MATK: variants seen among roughly 807,000 people sequenced by gnomAD.
MATK encodes megakaryocyte-associated tyrosine-protein kinase.
Under a neutral mutation model 59.8 loss-of-function variants are expected in MATK, and 41 were observed. The ratio of observed to expected loss-of-function variants is 0.69; its 90% CI spans 0.53 to 0.89. The LOEUF is 0.89. Ranked by LOEUF, MATK falls within the 40% of genes least tolerant of loss-of-function variation. The pLI is 0.00. For missense variants in MATK, 593 were observed against 719.6 expected (o/e 0.82, Z 2.01); for synonymous variants, 308 against 306.1 (o/e 1.01, Z -0.06).
chr19:3,778,075 C>T lies in MATK; in HGVS notation c.*108G>A. 1 of 1,449,902 alleles carries T rather than the reference C, an allele frequency of 6.9e-7. No homozygotes were observed. Among genetic ancestry groups the T allele is most frequent in the Non-Finnish European group, 9.0e-7 (1 of 1,106,622 alleles). 89.8% of individuals were successfully genotyped at this position (1,449,902 alleles called of 1,614,324 possible). A position where few individuals can be genotyped will look rare whatever the true frequency, so the allele number is the denominator to read the frequency against. ...GTGGGCCAGCCCCTGCTGTGGGCAC[C>T]AGGAGGATGACTTGCCCGCCTGGAC... On this transcript the variant is annotated 3_prime_UTR_variant, in exon 14 of 14. Coordinates refer to ENST00000310132, the MANE Select transcript of MATK (RefSeq NM_139355.3).
chr19:3,781,647 A>G lies in MATK; in HGVS notation c.702T>C (p.His234=). The change falls in exon 8 of 14, where the codon CAT becomes CAC. Residue 234 remains histidine, a synonymous_variant. Transcript: ENST00000310132. ...CTCCGATCTGTGCTCCCAATGTCAA[A>G]TGCTGCAGGTTCAGTAACCAGCCCG... The part of the protein sequence containing the change: ...ARAGWLLNLQ[H]LTLGAQIGEG... The G allele has an allele frequency of 6.2e-7, 1 of 1,613,782 alleles. No individual in the cohort carries two copies. Among genetic ancestry groups the G allele is most frequent in the East Asian group, 2.2e-5 (1 of 44,882 alleles).
intron 1 of MATK, among the ~76,000 whole-genome samples, chr19:3,792,104 CT>C (rs1230761709): frequency 5.6e-5 from 2 of 35,890 alleles, no homozygotes; most frequent in Non-Finnish European, 1.3e-4. Flanking sequence ...GAGACTCCAT[CT>C]TAAAAAAAAA....
At position 3,783,876 on chromosome 19, in the gene MATK, G is replaced by A. The variant is rs141544705; in HGVS notation, c.520C>T (p.Arg174Cys). Residue 174 changes from arginine to cysteine, a missense_variant, in exon 6 of 14, where the codon CGC becomes TGC. Arg to Cys is a radical substitution (Grantham distance 180). Coordinates refer to ENST00000310132, the MANE Select transcript of MATK (RefSeq NM_139355.3). ...TCATCGATTGTGAGGTGGCCGTCGC[G>A]GTGCAGCACGCGGTAGTGGATGACG... ...RDVIHYRVLH[R>C]DGHLTIDEAV... 33 of 1,613,078 alleles carry A rather than the reference G, an allele frequency of 2.0e-5. No homozygotes were observed. The South Asian group carries it at 2.6e-4, about 13-fold the overall frequency.
At chr19:3,780,346 A>C (rs1215895492) in intron 8 of MATK, among the ~76,000 whole-genome samples, 1 of 151,988 alleles carries the variant, frequency 6.6e-6, no homozygotes, top group Non-Finnish European at 1.5e-5. Flanking sequence ...GTGAACCCCC[A>C]CCCCCTCGGG....
At chr19:3,792,596 C>G (rs1323286674) in intron 1 of MATK, among the ~76,000 whole-genome samples, 4 of 150,166 alleles carry the variant, frequency 2.7e-5, no homozygotes, top group African/African-American at 9.8e-5. Flanking sequence ...TCACTGCAAC[C>G]TCTGCCTCCT....
chr19:3,778,980 G>C lies in MATK; in HGVS notation c.1197+12C>G. On this transcript the variant is annotated intron_variant, in intron 12 of 13. Transcript: ENST00000310132. ...CCCCAAAGCCCCAGGGGTATGTGAA[G>C]GCAGGGCTCACCCCGTGTTTGAGAG... 3 of 1,537,122 alleles carry C rather than the reference G, an allele frequency of 2.0e-6. No individual in the cohort carries two copies. Among genetic ancestry groups the C allele is most frequent in the Non-Finnish European group, 2.6e-6 (3 of 1,147,270 alleles).
intron 3 of MATK, 101 bp downstream of exon 3, chr19:3,784,724 G>A (rs1158736226): frequency 3.7e-6 from 3 of 812,752 alleles, no homozygotes; most frequent in African/African-American, 3.4e-5. Context: ...GCAGAAGGGG[G>A]TAGGGGGCAG....
chr19:3,794,165 C>T (rs986502959), intron 1 of MATK, among the ~76,000 whole-genome samples: 15 of 152,206 alleles, frequency 9.9e-5, no homozygotes, highest in Non-Finnish European at 1.8e-4. Context: ...CCCTTAGTTA[C>T]TCTCTATTGT....
chr19:3,789,343 T>C, upstream of MATK: 1 of 774,378 alleles, frequency 1.3e-6, no homozygotes, highest in Non-Finnish European at 2.4e-6. Context: ...GAAATGTCCC[T>C]GCATGAGAGG....
upstream of MATK, among the ~76,000 whole-genome samples, chr19:3,786,845 G>A (rs559416453): frequency 6.6e-6 from 1 of 152,318 alleles, no homozygotes; most frequent in East Asian, 1.9e-4. The surrounding 1 kb of genome is among the most constrained non-coding windows in gnomAD (Gnocchi z 4.1). Context: ...ATCGGGAACT[G>A]TAATCATCCG....
At chr19:3,787,850 A>T (rs1207412023), upstream of MATK, 2 of 152,036 alleles carry the variant, frequency 1.3e-5, no homozygotes, top group African/African-American at 4.8e-5. Context: ...TTTTGCGGGG[A>T]GCAGAGGCCC....
At chr19:3,794,847 A>T (rs1474130659) in intron 1 of MATK, among the ~76,000 whole-genome samples, 1 of 152,030 alleles carries the variant, frequency 6.6e-6, no homozygotes, top group Non-Finnish European at 1.5e-5. Flanking sequence ...CTCTGTCCCA[A>T]CTACTCAGCT....
rs1030264141 is a variant in MATK at position 3,784,837 on chromosome 19, G to C, written c.120C>G (p.Ala40=). 3 of 1,551,692 alleles carry C rather than the reference G, an allele frequency of 1.9e-6. No individual in the cohort carries two copies. The African/African-American group carries it at 4.1e-5, about 21-fold the overall frequency. Residue 40 remains alanine (A), a synonymous_variant, in exon 3 of 14, where the codon GCC becomes GCG. Transcript: ENST00000310132. ...LRAWHPPPVS[A]RMPTRRWAPG... is the part of the protein sequence containing the mutation. Reference sequence around the variant, plus strand: ...TAGACACACTCACCGTTGGCATCCTGGCTGAGACGGGAGGGGGGTGCCAGG... The same window carrying C: ...TAGACACACTCACCGTTGGCATCCTCGCTGAGACGGGAGGGGGGTGCCAGG...
At chr19:3,779,838 C>T (rs375568825) in intron 8 of MATK, 41 bp from the exon 9 acceptor site, 2 of 1,227,938 alleles carry the variant, frequency 1.6e-6, no homozygotes, top group Non-Finnish European at 2.4e-6. Flanking sequence ...ATCAGGACCC[C>T]CAACAAACAG....
Position 3,778,232 on chromosome 19 carries a change from G to A in MATK, c.1475C>T (p.Ser492Leu), listed in dbSNP as rs761794365. 4.4e-6 allele frequency: 7 copies of A among 1,575,470 alleles called. No individual in the cohort carries two copies. The South Asian group carries it at 8.2e-5, about 18-fold the overall frequency. Residue 492 changes from serine (S) to leucine (L), a missense_variant, in exon 14 of 14, where the codon TCA (serine) becomes TTA (leucine). Coordinates refer to ENST00000310132, the MANE Select transcript of MATK (RefSeq NM_139355.3). ...LRSAGAPASVSGQDADGSTSP... is the reference protein window; with the variant it reads ...LRSAGAPASVLGQDADGSTSP... ...GGTGGAGCCGTCGGCGTCCTGCCCT[G>A]AGACGGAGGCTGGGGCACCTGCACT...
intron 1 of MATK, chr19:3,793,173 C>A (rs1237760165): frequency 6.6e-6 from 1 of 152,358 alleles, no homozygotes; most frequent in East Asian, 1.9e-4. Context: ...AAACCCTTGC[C>A]CCGTCTTCCT....
rs754707873 is a variant in MATK at position 3,784,273 on chromosome 19, G to T, written c.247-34C>A. 8.1e-6 allele frequency: 13 copies of T among 1,599,452 alleles called. No homozygotes were observed. In the South Asian group the frequency reaches 1.0e-4, roughly 12 times the overall value. ...GAGGAAGCACGGGGTTAGTGTGGGG[G>T]GTGTGGGGGTGGTCCTGGTGGAGCC... On this transcript the variant is annotated intron_variant, in intron 4 of 13. Coordinates refer to ENST00000310132, the MANE Select transcript of MATK (RefSeq NM_139355.3).
In MATK at chr19:3,786,127, C is replaced by A; in HGVS notation, c.-152+42G>T. ...GAGCCCTCGGGGTTTCCCCCCACCC[C>A]GGCCTCGGGGTCTCTCCACGTCTCC... On this transcript the variant is annotated intron_variant, in intron 1 of 13. Transcript: ENST00000310132. This position sits in a 1 kb window ranked among gnomAD's most constrained non-coding sequence, Gnocchi z 4.1. The A allele has an allele frequency of 4.4e-6, 4 of 905,294 alleles. No homozygotes were observed. The highest frequency in any genetic ancestry group is 5.3e-6 in the Non-Finnish European group (4 of 756,858). 56.1% of individuals were successfully genotyped at this position (905,294 alleles called of 1,614,324 possible).
intron 8 of MATK, among the ~76,000 whole-genome samples, chr19:3,781,018 C>G (rs958903005): frequency 1.3e-5 from 2 of 151,766 alleles, no homozygotes; most frequent in African/African-American, 4.8e-5. Flanking sequence ...CATGAGCCAC[C>G]GTGCCTGGCT....
Sources: allele counts gnomAD v4.1 joint callset (sites outside exome capture counted in the v4.1 genomes callset), GRCh38; gene constraint gnomAD v4.1.1; non-coding constraint Gnocchi (gnomAD v3.1); transcripts MANE v1.5; gene names NCBI Gene and HGNC (gene_info 2026-07-23, HGNC 2026-07-21).